The following MBNL2 variants were observed in gnomAD, a reference collection of about 807,000 sequenced individuals.
MBNL2 encodes muscleblind-like protein 2.
Under a neutral mutation model 41.9 loss-of-function variants are expected in MBNL2, and 17 were observed. The observed-to-expected ratio is 0.41, with a 90% CI of 0.28 to 0.61. The LOEUF (loss-of-function observed/expected upper bound fraction) is 0.61. Ranked by LOEUF, MBNL2 falls within the 20% of genes least tolerant of loss-of-function variation. The pLI is 0.35. For missense variants in MBNL2, 336 were observed against 505.6 expected, an observed-to-expected ratio of 0.66 and a Z score of 3.22; for synonymous variants, 195 against 182.9, an observed-to-expected ratio of 1.07 and a Z score of -0.53.
chr13:97,345,296 C>T (rs573121894), intron 4 of MBNL2, among the ~76,000 whole-genome samples: 8 of 152,200 alleles, frequency 5.3e-5, no homozygotes, highest in South Asian at 4.1e-4. Flanking sequence ...AAATAACTTA[C>T]GATTCTACTC....
At chr13:97,352,035 T>TATAA (rs146632066) in intron 5 of MBNL2, among the ~76,000 whole-genome samples, 5,874 of 148,672 alleles carry the variant, frequency 0.04, 179 homozygotes, top group African/African-American at 0.077. Context: ...AAAATAAAAA[T>TATAA]ATAAATAAAT....
intron 3 of MBNL2, among the ~76,000 whole-genome samples, chr13:97,338,555 A>G (rs938978188): frequency 1.3e-5 from 2 of 152,200 alleles, no homozygotes; most frequent in Admixed American, 1.3e-4. Context: ...ACAGTGTTTG[A>G]AAAGTCCCCT....
At chr13:97,298,363 C>T (rs1325807513) in intron 2 of MBNL2, among the ~76,000 whole-genome samples, 1 of 152,178 alleles carries the variant, frequency 6.6e-6, no homozygotes, top group East Asian at 1.9e-4. Context: ...TCTTCCTTCT[C>T]TCCCTGGAAT....
At chr13:97,341,947 C>G (rs1048158724) in intron 3 of MBNL2, among the ~76,000 whole-genome samples, 5 of 152,092 alleles carry the variant, frequency 3.3e-5, no homozygotes, top group African/African-American at 1.2e-4. Context: ...GTGTGACAAG[C>G]AACAGTTAAG....
the MBNL2 span, among the ~76,000 whole-genome samples, chr13:97,203,800 A>T: frequency 6.6e-6 from 1 of 152,160 alleles, no homozygotes; most frequent in South Asian, 2.1e-4. Context: ...TCTTTAAAAG[A>T]TTCCAATGCC....
At chr13:97,316,683 TC>T (rs1249679866) in intron 2 of MBNL2, among the ~76,000 whole-genome samples, 3 of 152,138 alleles carry the variant, frequency 2.0e-5, no homozygotes, top group Non-Finnish European at 2.9e-5. Context: ...CTCCACAAAG[TC>T]TTTGCTGCTG....
chr13:97,355,118 A>G (rs1035119163), intron 5 of MBNL2, among the ~76,000 whole-genome samples: 1 of 152,220 alleles, frequency 6.6e-6, no homozygotes, highest in African/African-American at 2.4e-5. Context: ...TATCCAGTAC[A>G]CAGATGTTTT....
intron 3 of MBNL2, among the ~76,000 whole-genome samples, chr13:97,340,700 C>G (rs2061379298): frequency 6.6e-6 from 1 of 152,164 alleles, no homozygotes; most frequent in Admixed American, 6.6e-5. Flanking sequence ...GGTTTGAATT[C>G]AGGCCTCTCT....
intron 5 of MBNL2, among the ~76,000 whole-genome samples, chr13:97,356,081 T>C (rs913026776): frequency 1.5e-4 from 23 of 152,234 alleles, no homozygotes; most frequent in African/African-American, 5.3e-4. Context: ...AAACTCACTA[T>C]TTAAATTCAA....
At chr13:97,345,288 A>G (rs2061745309) in intron 4 of MBNL2, among the ~76,000 whole-genome samples, 1 of 152,236 alleles carries the variant, frequency 6.6e-6, no homozygotes, top group Admixed American at 6.5e-5. Flanking sequence ...CTAAAAATAA[A>G]TAACTTACGA....
chr13:97,347,761 C>G (rs1349481584), intron 5 of MBNL2, among the ~76,000 whole-genome samples: 1 of 152,180 alleles, frequency 6.6e-6, no homozygotes, highest in African/African-American at 2.4e-5. Context: ...GCCTGGGAGC[C>G]TGCTCAGAAT....
intron 8 of MBNL2, among the ~76,000 whole-genome samples, chr13:97,382,557 T>C (rs1372219990): frequency 6.6e-6 from 1 of 152,158 alleles, no homozygotes; most frequent in Non-Finnish European, 1.5e-5. Flanking sequence ...GAATCACAAA[T>C]GTTGGGTAAG....
chr13:97,201,223 G>A, the MBNL2 span, among the ~76,000 whole-genome samples: 16 of 152,194 alleles, frequency 1.1e-4, no homozygotes, highest in African/African-American at 3.9e-4. Context: ...GACTTCAAAA[G>A]ACCATCTTAC....
chr13:97,228,782 A>G (rs1348289141), intron 1 of MBNL2, among the ~76,000 whole-genome samples: 3 of 152,002 alleles, frequency 2.0e-5, no homozygotes, highest in Admixed American at 6.6e-5. Flanking sequence ...CACCCGCCTC[A>G]GCCTCCCAGA....
chr13:97,322,463 A>C (rs1006871654), intron 2 of MBNL2, among the ~76,000 whole-genome samples: 9 of 152,218 alleles, frequency 5.9e-5, no homozygotes, highest in Non-Finnish European at 8.8e-5. Flanking sequence ...ATGGGGTTAC[A>C]TCAGAAAAAC....
At chr13:97,150,178 G>A in the MBNL2 span, among the ~76,000 whole-genome samples, 1 of 152,156 alleles carries the variant, frequency 6.6e-6, no homozygotes, top group Non-Finnish European at 1.5e-5. Flanking sequence ...AATCAGCAAG[G>A]CTTTCTACTT....
At chr13:97,188,264 G>A in the MBNL2 span, among the ~76,000 whole-genome samples, 1 of 152,152 alleles carries the variant, frequency 6.6e-6, no homozygotes, top group African/African-American at 2.4e-5. Flanking sequence ...CGCGATCCAT[G>A]TTCAAACACC....
At chr13:97,153,310 C>T in the MBNL2 span, among the ~76,000 whole-genome samples, 23 of 150,810 alleles carry the variant, frequency 1.5e-4, no homozygotes, top group African/African-American at 3.7e-4. Context: ...TGTGTTTGAG[C>T]GTGTGTGTGA....
At chr13:97,271,702 T>A (rs2051070739) in intron 1 of MBNL2, among the ~76,000 whole-genome samples, 2 of 152,176 alleles carry the variant, frequency 1.3e-5, no homozygotes, top group African/African-American at 4.8e-5. Flanking sequence ...TGTTCCTGTG[T>A]TAGTTTAATG....
Sources: gnomAD v4.1 joint callset for allele counts (sites outside exome capture counted in the v4.1 genomes callset) on GRCh38, gnomAD v4.1.1 for gene constraint, MANE v1.5 for transcripts, NCBI Gene and HGNC (gene_info 2026-07-23, HGNC 2026-07-21) for gene names.